Variants in ERICH3 observed in about 807,000 individuals in gnomAD.
ERICH3 encodes the protein glutamate-rich protein 3.
ERICH3 carries 126 observed loss-of-function variants against 131.1 expected under a neutral mutation model. The ratio of observed to expected loss-of-function variants is 0.96; its 90% CI spans 0.83 to 1.11. ERICH3 has a LOEUF of 1.11. Among genes scored for constraint, ERICH3 ranks in the 50% most tolerant of loss-of-function variants. ERICH3 has a pLI of 0.00. For missense variants in ERICH3, 2,050 were observed against 1,810.7 expected (o/e 1.13, Z -2.40); for synonymous variants, 695 against 644.6 (o/e 1.08, Z -1.18).
At chr1:74,660,234 G>A (rs1646627725) in intron 1 of ERICH3, among the ~76,000 whole-genome samples, 1 of 152,030 alleles carries the variant, frequency 6.6e-6, no homozygotes, top group Non-Finnish European at 1.5e-5. Flanking sequence ...CAAGTTTCCT[G>A]AGACCTTACC....
At chr1:74,649,669 A>T (rs575505805) in intron 1 of ERICH3, among the ~76,000 whole-genome samples, 2 of 152,156 alleles carry the variant, frequency 1.3e-5, no homozygotes, top group Admixed American at 1.3e-4. Flanking sequence ...TGGAGGCCTG[A>T]TGGGAAAGCA....
At chr1:74,602,898 G>A (rs1335199179) in intron 10 of ERICH3, among the ~76,000 whole-genome samples, 2 of 151,994 alleles carry the variant, frequency 1.3e-5, no homozygotes, top group African/African-American at 4.8e-5. Flanking sequence ...CTCATCCCAA[G>A]ATAAGACAAA....
intron 1 of ERICH3, among the ~76,000 whole-genome samples, chr1:74,660,285 T>C (rs1468748428): frequency 6.6e-6 from 1 of 152,008 alleles, no homozygotes; most frequent in Non-Finnish European, 1.5e-5. Flanking sequence ...AATTACCCAG[T>C]CTAAGGTAGT....
At chr1:74,584,927 C>T (rs1647261810) in intron 12 of ERICH3, among the ~76,000 whole-genome samples, 1 of 152,120 alleles carries the variant, frequency 6.6e-6, no homozygotes. Context: ...TTCATCAGGA[C>T]CATTTTATCC....
intron 1 of ERICH3, among the ~76,000 whole-genome samples, chr1:74,667,183 T>C: frequency 6.6e-6 from 1 of 152,212 alleles, no homozygotes; most frequent in East Asian, 1.9e-4. Flanking sequence ...CTCAGCTGAT[T>C]TTCCTCTATC....
chr1:74,649,786 A>G (rs1646517005), intron 1 of ERICH3, among the ~76,000 whole-genome samples: 1 of 152,024 alleles, frequency 6.6e-6, no homozygotes, highest in East Asian at 1.9e-4. Flanking sequence ...TAGTCTCCCA[A>G]CTGTGAAGGC....
rs146045869 is a variant in ERICH3 at position 74,572,717 on chromosome 1, G to A, written c.2993C>T (p.Thr998Ile). The change falls in exon 14 of 15, where the codon ACA (threonine) becomes ATA (isoleucine). Residue 998 changes from threonine (T) to isoleucine (I), a missense_variant. Physicochemically the swap from Thr to Ile is moderately conservative, Grantham distance 89 (BLOSUM62 -1). Coordinates refer to ENST00000326665, the MANE Select transcript of ERICH3 (RefSeq NM_001002912.5). ...MRTETRLSPF[T>I]GEAEASRMQV... ...CATCCGGCTTGCCTCTGCCTCTCCT[G>A]TGAAGGGGCTCAAGCGTGTTTCTGT... The A allele has an allele frequency of 1.9e-6, 3 of 1,613,702 alleles. No individual in the cohort carries two copies. The highest frequency in any genetic ancestry group is 2.5e-6 in the Non-Finnish European group (3 of 1,179,942).
chr1:74,621,657 A>G (rs1649225948), intron 7 of ERICH3: 1 of 152,234 alleles, frequency 6.6e-6, no homozygotes, highest in African/African-American at 2.4e-5. Flanking sequence ...AATTTAAATT[A>G]TTTATAAAAT....
At position 74,571,701 on chromosome 1, in the gene ERICH3, C is replaced by T. The variant is rs200080388; in HGVS notation, c.4009G>A (p.Val1337Ile). 94 of 1,613,978 alleles carry T rather than the reference C, an allele frequency of 5.8e-5. No homozygotes were observed. The highest frequency in any genetic ancestry group is 7.8e-5 in the Non-Finnish European group (92 of 1,180,022). ...QKNEGMGGGR[V>I]VAVEVLHGGG... ...CCGTGTAGAACTTCCACAGCCACAA[C>T]CCTTCCTCCTCCCATGCCCTCATTC... Residue 1337 changes from valine (V) to isoleucine (I), a missense_variant, in exon 14 of 15, where the codon GTT becomes ATT. Physicochemically the swap from Val to Ile is conservative, Grantham distance 29 (BLOSUM62 3). Transcript: ENST00000326665.
In ERICH3 at chr1:74,573,103, A is replaced by T. The variant is rs1646987966; in HGVS notation, c.2607T>A (p.Gly869=). ...TTTCAGGAGCCTCATCTTTACTCAG[A>T]CCCACAGCATCTTTTGCTGCTGCTT... ...IGQAAAKDAV[G]LSKDEAPEKQ... The change falls in exon 14 of 15, where the codon GGT becomes GGA. Residue 869 remains glycine (G), a synonymous_variant. Transcript: ENST00000326665. 1 of 1,613,938 alleles carries T rather than the reference A, an allele frequency of 6.2e-7. No individual in the cohort carries two copies. The highest frequency in any genetic ancestry group is 8.5e-7 in the Non-Finnish European group (1 of 1,179,922).
At chr1:74,602,189 ACAGT>A (rs764987988) in intron 10 of ERICH3, among the ~76,000 whole-genome samples, 2 of 151,914 alleles carry the variant, frequency 1.3e-5, no homozygotes, top group Non-Finnish European at 2.9e-5. Context: ...AACCACAAGA[ACAGT>A]CCCAGCATCG....
chr1:74,572,458 A>G lies in ERICH3; in HGVS notation c.3252T>C (p.Asn1084=). ...DSEREEVTRA[N]ALKDEDAFKE... The stretch of plus-strand genomic sequence containing the variant: ...TAAAAGCATCTTCATCCTTGAGTGC[A>G]TTTGCCCTTGTCACCTCTTCTCTCT... The change falls in exon 14 of 15, where the codon AAT becomes AAC. Residue 1084 remains asparagine, a synonymous_variant. Coordinates refer to ENST00000326665, the MANE Select transcript of ERICH3 (RefSeq NM_001002912.5). 1.2e-6 allele frequency: 2 copies of G among 1,614,034 alleles called. No individual in the cohort carries two copies. The highest frequency in any genetic ancestry group is 8.5e-7 in the Non-Finnish European group (1 of 1,180,018).
chr1:74,608,596 T>C (rs974817389), intron 9 of ERICH3, among the ~76,000 whole-genome samples: 3 of 152,060 alleles, frequency 2.0e-5, no homozygotes, highest in African/African-American at 7.2e-5. Context: ...CAAGCAAATA[T>C]GAGAACTGAG....
At chr1:74,616,275 C>T (rs1207422711) in intron 8 of ERICH3, among the ~76,000 whole-genome samples, 5 of 152,120 alleles carry the variant, frequency 3.3e-5, no homozygotes, top group South Asian at 2.1e-4. Context: ...CCGTCTTGGC[C>T]TCCCAAAGTG....
chr1:74,616,364 C>T (rs528376254), intron 8 of ERICH3, among the ~76,000 whole-genome samples: 1 of 151,996 alleles, frequency 6.6e-6, no homozygotes, highest in Non-Finnish European at 1.5e-5. Context: ...CAGCGGACAA[C>T]TAAAAATTTA....
In ERICH3 at chr1:74,646,854, A is replaced by G. The variant is rs1313021174; in HGVS notation, c.118-62T>C. ...AATAGAAAATGTGGTGTTAGTTTCC[A>G]AAAAAGGGAGGCTGGAGGGTGGAGA... On this transcript the variant is annotated intron_variant, in intron 2 of 14. Transcript: ENST00000326665. 7.8e-6 allele frequency: 7 copies of G among 893,050 alleles called. No homozygotes were observed. The East Asian group carries it at 2.4e-4, about 30-fold the overall frequency. The allele number at this position is 893,050 out of a possible 1,614,324, so 55.3% of individuals were successfully genotyped here.
rs796846933 is a variant in ERICH3 at position 74,591,299 on chromosome 1, G to A, written c.1727-1219C>T. 3.9e-5 allele frequency among the ~76,000 whole-genome samples: 6 copies of A among 152,254 alleles called. 1 individual carries two copies. Among genetic ancestry groups the A allele is most frequent in the African/African-American group, 1.4e-4 (6 of 41,546 alleles). ...GAAGGAAGGGCAGAAATCAATCAAG[G>A]GAGATATTTCAAGCCCCATCTCAAT... On this transcript the variant is annotated intron_variant, in intron 11 of 14. Coordinates refer to ENST00000326665, the MANE Select transcript of ERICH3 (RefSeq NM_001002912.5).
intron 1 of ERICH3, among the ~76,000 whole-genome samples, chr1:74,654,315 A>C (rs1290045696): frequency 6.6e-6 from 1 of 151,732 alleles, no homozygotes; most frequent in Non-Finnish European, 1.5e-5. Context: ...TCCTACTGTT[A>C]GTACCAACAG....
intron 12 of ERICH3, chr1:74,579,913 CTTT>C: frequency 5.0e-6 from 4 of 806,766 alleles, no homozygotes; most frequent in Non-Finnish European, 6.0e-6. Flanking sequence ...AGAAAGTCAG[CTTT>C]TTTTTTTTCA....
Sources: gnomAD v4.1 joint callset for allele counts (sites outside exome capture counted in the v4.1 genomes callset) on GRCh38, gnomAD v4.1.1 for gene constraint, MANE v1.5 for transcripts, NCBI Gene and HGNC (gene_info 2026-07-23, HGNC 2026-07-21) for gene names.